The following GPR33 variants were observed in gnomAD, a reference collection of about 807,000 sequenced individuals.
GPR33 encodes G protein-coupled receptor 33.
Under a neutral mutation model 3.1 loss-of-function variants are expected in GPR33, and 4 were observed. That is an observed-to-expected ratio of 1.29 (90% CI 0.64 to 2.96). The LOEUF (loss-of-function observed/expected upper bound fraction) is 2.96. Among genes scored for constraint, GPR33 ranks in the 30% most tolerant of loss-of-function variants. The pLI, the probability that GPR33 is intolerant of heterozygous loss-of-function variation, is 0.01. For synonymous variants in GPR33, 138 were observed against 142.0 expected, an observed-to-expected ratio of 0.97 and a Z score of 0.20; for missense variants, 390 against 388.9, an observed-to-expected ratio of 1.00 and a Z score of -0.02.
At chr14:31,484,684 A>C (rs2032398922) in intron 1 of GPR33, among the ~76,000 whole-genome samples, 1 of 152,188 alleles carries the variant, frequency 6.6e-6, no homozygotes, top group Admixed American at 6.5e-5. Flanking sequence ...TTGACTTGTG[A>C]GGGCAAAAGT....
At chr14:31,485,284 GA>G (rs1446136322) in intron 1 of GPR33, among the ~76,000 whole-genome samples, 3 of 151,926 alleles carry the variant, frequency 2.0e-5, no homozygotes, top group African/African-American at 7.3e-5. Context: ...ACAAAAAGGA[GA>G]AAAGTCACCA....
At position 31,483,954 on chromosome 14, in the gene GPR33, G is replaced by A. The variant is rs1331140208; in HGVS notation, c.12C>T (p.Ile4=). MDL[I]NSTDYLINAS... is the part of the protein sequence containing the mutation. ...CATTGATCAGGTAATCAGTAGAGTT[G>A]ATCAGATCCATAATGACCTGTGGAG... The change falls in exon 2 of 2, where the codon ATC becomes ATT. Residue 4 remains isoleucine, a synonymous_variant. Transcript: ENST00000399285. 2.0e-6 allele frequency: 3 copies of A among 1,533,652 alleles called. No individual in the cohort carries two copies. The East Asian group carries it at 7.3e-5, about 38-fold the overall frequency.
rs2032391975 is a variant in GPR33, at chr14:31,483,981, G to T, written c.-6-10C>A. On this transcript the variant is annotated splice_polypyrimidine_tract_variant and intron_variant, in intron 1 of 1. Transcript: ENST00000399285. ...TCAGATCCATAATGACCTGTGGAGT[G>T]AGAAACAGTGAAAATAACAACAAGA... 6.8e-7 allele frequency: 1 copy of T among 1,474,332 alleles called. No homozygotes were observed. Among genetic ancestry groups the T allele is most frequent in the Non-Finnish European group, 8.9e-7 (1 of 1,120,120 alleles). 91.3% of individuals were successfully genotyped at this position (1,474,332 alleles called of 1,614,324 possible).
In GPR33 at chr14:31,483,479, A is replaced by C. The variant is rs920806608; in HGVS notation, c.487T>G (p.Tyr163Asp). 1 of 1,536,158 alleles carries C rather than the reference A, an allele frequency of 6.5e-7. No individual in the cohort carries two copies. The highest frequency in any genetic ancestry group is 8.7e-7 in the Non-Finnish European group (1 of 1,146,898). Residue 163 changes from tyrosine to aspartate, a missense_variant, in exon 2 of 2, where the codon TAT (tyrosine) becomes GAT (aspartate). Physicochemically the swap from Tyr to Asp is radical, Grantham distance 160. Coordinates refer to ENST00000399285, the MANE Select transcript of GPR33 (RefSeq NM_001197184.3). Reference protein sequence around the residue: ...WISAAALSIPYLIFRETHHDR... With the variant: ...WISAAALSIPDLIFRETHHDR... ...TGATGTGTCTCTCTGAAAATCAAAT[A>C]GGGGATGCTGAGGGCAGCGGCTGAA... is the stretch of plus-strand genomic sequence containing the variant.
rs1306845438 is a variant in GPR33, at chr14:31,483,371, G to A, written c.595C>T (p.Gln199Ter). The A allele has an allele frequency of 1.3e-6, 2 of 1,536,168 alleles. No homozygotes were observed. The highest frequency in any genetic ancestry group is 2.4e-5 in the South Asian group (2 of 84,062). ...ATGAAACAGGCCACATGAATCCACT[G>A]CCTTGATGCTTGCATCTCCTTGCTT... ...WESKEMQASR[Q>*]WIHVACFISR... Residue 199 changes from glutamine (Q) to a stop codon, truncating the protein, a stop_gained, in exon 2 of 2, where the codon CAG becomes TAG. Transcript: ENST00000399285. LOFTEE classifies it high-confidence loss of function.
intron 1 of GPR33, among the ~76,000 whole-genome samples, chr14:31,487,432 GT>G (rs752227440): frequency 0.029 from 2,004 of 70,154 alleles, 11 homozygotes; most frequent in Non-Finnish European, 0.041. Flanking sequence ...AAGCCCCTCA[GT>G]TTTTTTTTTT....
rs1171710507 is a variant in GPR33 at position 31,483,934 on chromosome 14, A to T, written c.32T>A (p.Ile11Asn). The change falls in exon 2 of 2, where the codon ATC becomes AAC. Residue 11 changes from isoleucine to asparagine, a missense_variant. Physicochemically the swap from Ile to Asn is moderately radical, Grantham distance 149. Transcript: ENST00000399285. ...GTTTCTTACTAAAGTAGAGGCATTG[A>T]TCAGGTAATCAGTAGAGTTGATCAG... MDLINSTDYLINASTLVRNST... is the reference protein window; with the variant it reads MDLINSTDYLNNASTLVRNST... 1 of 1,535,506 alleles carries T rather than the reference A, an allele frequency of 6.5e-7. No individual in the cohort carries two copies. The highest frequency in any genetic ancestry group is 8.7e-7 in the Non-Finnish European group (1 of 1,146,650).
Position 31,483,055 on chromosome 14 carries a change from TC to T in GPR33, c.910del (p.Glu304ArgfsTer25), listed in dbSNP as rs2032377537. Reference protein sequence around the residue: ...FSPTLYLFVGENFKKVFKKSI... With the variant: ...FSPTLYLFVGXNFKKVFKKSI... ...CTTCTTGAAGACCTTTTTGAAATTC[TC>T]CCCAACAAATAAGTAGAGTGTGGGA... is the stretch of plus-strand genomic sequence containing the variant. On this transcript the variant is annotated frameshift_variant, in exon 2 of 2. Transcript: ENST00000399285. LOFTEE classifies it high-confidence loss of function. 6.5e-7 allele frequency: 1 copy of T among 1,535,900 alleles called. No individual in the cohort carries two copies. The highest frequency in any genetic ancestry group is 8.7e-7 in the Non-Finnish European group (1 of 1,146,862).
rs73265122 is a variant in GPR33 at position 31,483,178 on chromosome 14, A to G, written c.788T>C (p.Ile263Thr). The G allele has an allele frequency of 1.4e-3, 2,170 of 1,536,130 alleles. 14 individuals carry two copies. The African/African-American group carries it at 0.021, about 15-fold the overall frequency. Residue 263 changes from isoleucine to threonine, a missense_variant, in exon 2 of 2, where the codon ATA becomes ACA. Transcript: ENST00000399285. ...CGTAGTGAGAAGTAAGCCCTGGTGT[A>G]TATGGTAGGGCATCCAACACACAAA... is the stretch of plus-strand genomic sequence containing the variant. ...SFFVCWMPYH[I>T]HQGLLLTTNQ...
rs2139378387 is a variant in GPR33, at chr14:31,483,070, T to C, written c.896A>G (p.Tyr299Cys). 1.3e-6 allele frequency: 2 copies of C among 1,535,980 alleles called. No individual in the cohort carries two copies. The highest frequency in any genetic ancestry group is 2.4e-5 in the East Asian group (1 of 40,920). ...TTTGAAATTCTCCCCAACAAATAAG[T>C]AGAGTGTGGGAGAAAAGATAGTATT... The part of the protein sequence containing the change: ...SFNTIFSPTL[Y>C]LFVGENFKKV... Residue 299 changes from tyrosine (Y) to cysteine (C), a missense_variant, in exon 2 of 2, where the codon TAC (tyrosine) becomes TGC (cysteine). Transcript: ENST00000399285.
At position 31,483,460 on chromosome 14, in the gene GPR33, GTC is replaced by G; in HGVS notation, c.504_505del (p.Glu168AspfsTer4). On this transcript the variant is annotated frameshift_variant, in exon 2 of 2. Transcript: ENST00000399285. LOFTEE classifies it high-confidence loss of function. ...CACCTTTCCTTTACGGTCATGATGT[GTC>G]TCTCTGAAAATCAAATAGGGGATGC... 1.3e-6 allele frequency: 2 copies of G among 1,536,156 alleles called. No homozygotes were observed. The highest frequency in any genetic ancestry group is 1.2e-5 in the South Asian group (1 of 84,060).
chr14:31,483,702 T>C lies in GPR33; in HGVS notation c.264A>G (p.Gln88=). 1 of 1,536,018 alleles carries C rather than the reference T, an allele frequency of 6.5e-7. No homozygotes were observed. Among genetic ancestry groups the C allele is most frequent in the Non-Finnish European group, 8.7e-7 (1 of 1,146,892 alleles). ...TMILPFMATS[Q]LQDNHWNFGT... is the part of the protein sequence containing the mutation. ...CAAAGTTCCAGTGATTGTCTTGAAG[T>C]TGGGAGGTGGCCATAAATGGCAGAA... Residue 88 remains glutamine (Q), a synonymous_variant, in exon 2 of 2, where the codon CAA becomes CAG. Transcript: ENST00000399285.
chr14:31,482,895 T>A lies in GPR33; in HGVS notation c.*69A>T, dbSNP rs1250369149. ...ATAGCATACAAAAGCAGAAGGTATA[T>A]CCTATTGGTATAATTGACCAAGTGC... On this transcript the variant is annotated 3_prime_UTR_variant, in exon 2 of 2. Coordinates refer to ENST00000399285, the MANE Select transcript of GPR33 (RefSeq NM_001197184.3). 1 of 1,278,738 alleles carries A rather than the reference T, an allele frequency of 7.8e-7. No homozygotes were observed. Among genetic ancestry groups the A allele is most frequent in the African/African-American group, 1.5e-5 (1 of 66,514 alleles). 79.2% of individuals were successfully genotyped at this position (1,278,738 alleles called of 1,614,324 possible).
rs2032378325 is a variant in GPR33 at position 31,483,116 on chromosome 14, T to G, written c.850A>C (p.Thr284Pro). The G allele has an allele frequency of 1.3e-6, 2 of 1,536,098 alleles. No homozygotes were observed. The highest frequency in any genetic ancestry group is 1.7e-6 in the Non-Finnish European group (2 of 1,146,868). The change falls in exon 2 of 2, where the codon ACA (threonine) becomes CCA (proline). Residue 284 changes from threonine to proline, a missense_variant. Transcript: ENST00000399285. ...GTATTGAAAGAAGTGGTTAGCACTG[T>G]AAGTATCAAAGTCAACTCTAAAAGT... ...SLLLELTLIL[T>P]VLTTSFNTIF...
Position 31,482,919 on chromosome 14 carries a change from G to A in GPR33, c.*45C>T. ...ATCCTATTGGTATAATTGACCAAGT[G>A]CGTGTTTGCTTAAGAATCTAGAATT... is the stretch of plus-strand genomic sequence containing the variant. On this transcript the variant is annotated 3_prime_UTR_variant, in exon 2 of 2. Coordinates refer to ENST00000399285, the MANE Select transcript of GPR33 (RefSeq NM_001197184.3). 2 of 1,430,056 alleles carry A rather than the reference G, an allele frequency of 1.4e-6. No individual in the cohort carries two copies. Among genetic ancestry groups the A allele is most frequent in the Non-Finnish European group, 1.8e-6 (2 of 1,086,234 alleles). The allele number at this position is 1,430,056 out of a possible 1,614,324, so 88.6% of individuals were successfully genotyped here.
At chr14:31,487,039 G>A (rs1208374830) in intron 1 of GPR33, among the ~76,000 whole-genome samples, 8 of 151,972 alleles carry the variant, frequency 5.3e-5, no homozygotes, top group East Asian at 1.9e-4. Flanking sequence ...TGTTGTATGC[G>A]TGTGGTCTCT....
chr14:31,483,538 C>A lies in GPR33; in HGVS notation c.428G>T (p.Arg143Leu), dbSNP rs17097918. 1 of 1,536,026 alleles carries A rather than the reference C, an allele frequency of 6.5e-7. No individual in the cohort carries two copies. The highest frequency in any genetic ancestry group is 8.7e-7 in the Non-Finnish European group (1 of 1,146,894). Residue 143 changes from arginine to leucine, a missense_variant, in exon 2 of 2, where the codon CGC becomes CTC. By Grantham distance (102) the Arg-to-Leu change is moderately radical (BLOSUM62 -2). Transcript: ENST00000399285. ...PVWSQQHRTPRWASSIVLGVW... is the reference protein window; with the variant it reads ...PVWSQQHRTPLWASSIVLGVW... ...TCCCAGGACAATGCTGGAAGCCCAG[C>A]GCGGGGTTCGGTGCTGCTGGGACCA...
At position 31,483,430 on chromosome 14, in the gene GPR33, CAA is replaced by C; in HGVS notation, c.534_535del (p.Cys179ProfsTer3). 2.6e-6 allele frequency: 4 copies of C among 1,536,138 alleles called. No individual in the cohort carries two copies. The highest frequency in any genetic ancestry group is 3.5e-6 in the Non-Finnish European group (4 of 1,146,922). On this transcript the variant is annotated frameshift_variant, in exon 2 of 2. Transcript: ENST00000399285. LOFTEE classifies it high-confidence loss of function. ...AGTAGACACAGCATAGTTATTTTGGCAAGTCACCTTTCCTTTACGGTCATGAT... is the reference window on the plus strand; with the variant it reads ...AGTAGACACAGCATAGTTATTTTGGCGTCACCTTTCCTTTACGGTCATGAT...
In GPR33 at chr14:31,482,989, G is replaced by T; in HGVS notation, c.977C>A (p.Ser326Tyr). The T allele has an allele frequency of 2.0e-6, 3 of 1,524,274 alleles. No individual in the cohort carries two copies. The highest frequency in any genetic ancestry group is 2.6e-6 in the Non-Finnish European group (3 of 1,143,302). 94.4% of individuals were successfully genotyped at this position (1,524,274 alleles called of 1,614,324 possible). A position where few individuals can be genotyped will look rare whatever the true frequency, so the allele number is the denominator to read the frequency against. Residue 326 changes from serine (S) to tyrosine (Y), a missense_variant, in exon 2 of 2, where the codon TCT becomes TAT. By Grantham distance (144) the Ser-to-Tyr change is moderately radical (BLOSUM62 -2). Coordinates refer to ENST00000399285, the MANE Select transcript of GPR33 (RefSeq NM_001197184.3). ...ALFESTFSED[S>Y]SVERTQT Reference sequence around the variant, plus strand: ...TTAGGTTTGTGTCCTTTCTACAGAAGAATCTTCACTAAATGTTGACTCAAA... The same window carrying T: ...TTAGGTTTGTGTCCTTTCTACAGAATAATCTTCACTAAATGTTGACTCAAA...
Sources: gnomAD v4.1 joint callset for allele counts (sites outside exome capture counted in the v4.1 genomes callset) on GRCh38, gnomAD v4.1.1 for gene constraint, MANE v1.5 for transcripts, NCBI Gene and HGNC (gene_info 2026-07-23, HGNC 2026-07-21) for gene names.